Variants in CD163L1 observed in about 807,000 individuals in gnomAD.
The protein encoded by CD163L1 is CD163 molecule like 1.
A neutral mutation model predicts 165.4 loss-of-function variants in CD163L1; 124 were observed. That is an observed-to-expected ratio of 0.75 (90% CI 0.65 to 0.87). CD163L1 has a LOEUF of 0.87. Among genes scored for constraint, CD163L1 ranks in the 40% least tolerant of loss-of-function variants. The pLI, the probability that CD163L1 is intolerant of heterozygous loss-of-function variation, is 0.00. For missense variants in CD163L1, 1,525 were observed against 1,799.9 expected (o/e 0.85, Z 2.76); for synonymous variants, 585 against 662.2 (o/e 0.88, Z 1.79).
chr12:7,399,459 T>C, intron 6 of CD163L1, among the ~76,000 whole-genome samples: 2 of 150,116 alleles, frequency 1.3e-5, no homozygotes, highest in Non-Finnish European at 3.0e-5. Flanking sequence ...CTTCCTCCCT[T>C]TCCCTTCTTT....
chr12:7,328,000 G>C, the CD163L1 span, among the ~76,000 whole-genome samples: 1 of 152,118 alleles, frequency 6.6e-6, no homozygotes, highest in Non-Finnish European at 1.5e-5. Flanking sequence ...AACAGTAGAA[G>C]CCTAGGACTA....
chr12:7,358,870 T>G (rs1946832302), intron 18 of CD163L1, among the ~76,000 whole-genome samples: 1 of 151,940 alleles, frequency 6.6e-6, no homozygotes, highest in Non-Finnish European at 1.5e-5. Context: ...CAAGAACATA[T>G]GAGCAATGTA....
rs1393466403 is a variant in CD163L1, at chr12:7,367,264, T to C, written c.4251A>G (p.Arg1417=). Residue 1417 remains arginine (R), a synonymous_variant, in exon 18 of 20, where the codon AGA becomes AGG. Transcript: ENST00000313599. ...AGGTTCTTGTCCCATGTGGGTCCTC[T>C]CTCTTGAGGCAGGTCTCCATCTCAT... ...LFHEMETCLK[R]EDPHGTRTSD... 3.7e-6 allele frequency: 6 copies of C among 1,613,430 alleles called. No individual in the cohort carries two copies. In the South Asian group the frequency reaches 6.6e-5, roughly 18 times the overall value.
chr12:7,344,177 G>A (rs114093157), downstream of CD163L1, among the ~76,000 whole-genome samples: 1,129 of 151,822 alleles, frequency 7.4e-3, 13 homozygotes, highest in African/African-American at 0.026. Flanking sequence ...ACCTCCTGGA[G>A]TCAAGTGATC....
intron 9 of CD163L1, 134 bp from the exon 10 acceptor site, chr12:7,376,148 G>T: frequency 1.4e-6 from 1 of 717,080 alleles, no homozygotes; most frequent in Non-Finnish European, 2.3e-6. Flanking sequence ...GGGCTCAGAG[G>T]ACAAGATTAG....
chr12:7,401,404 A>C (rs926015662), intron 6 of CD163L1, among the ~76,000 whole-genome samples: 1 of 152,104 alleles, frequency 6.6e-6, no homozygotes, highest in South Asian at 2.1e-4. Context: ...GAAGAAAAAA[A>C]CACAATTTAT....
chr12:7,427,117 C>G (rs1281375248), intron 4 of CD163L1, among the ~76,000 whole-genome samples: 2 of 151,986 alleles, frequency 1.3e-5, no homozygotes, highest in East Asian at 3.9e-4. Context: ...TTTTAATACT[C>G]CACTTTCAAA....
Position 7,357,452 on chromosome 12 carries a change from G to A in CD163L1, c.4314C>T (p.Ser1438=), listed in dbSNP as rs757149052. The part of the protein sequence containing the change: ...DTPNHGCEDA[S]DTSLLGVLPA... ...GAAGAACTCCCAACAGCGATGTGTCGCTAGCATCTTCACAACCATGGTTGG... is the reference window on the plus strand; with the variant it reads ...GAAGAACTCCCAACAGCGATGTGTCACTAGCATCTTCACAACCATGGTTGG... Residue 1438 remains serine, a synonymous_variant, in exon 19 of 20, where the codon AGC becomes AGT. Coordinates refer to ENST00000313599, the MANE Select transcript of CD163L1 (RefSeq NM_174941.6). 6.8e-6 allele frequency: 11 copies of A among 1,612,682 alleles called. No individual in the cohort carries two copies. The highest frequency in any genetic ancestry group is 4.5e-5 in the East Asian group (2 of 44,836).
chr12:7,376,069 G>A, intron 9 of CD163L1, 55 bp from the exon 10 acceptor site: 1 of 1,470,732 alleles, frequency 6.8e-7, no homozygotes, highest in Non-Finnish European at 9.2e-7. Flanking sequence ...ATCTATCCCT[G>A]TCTCCAGTCT....
intron 8 of CD163L1, among the ~76,000 whole-genome samples, chr12:7,385,076 A>G (rs985371636): frequency 2.6e-5 from 4 of 152,058 alleles, no homozygotes; most frequent in African/African-American, 9.7e-5. Flanking sequence ...TAAAAAAAAC[A>G]ATGACCCAAA....
At chr12:7,439,063 C>T (rs980396819) in intron 2 of CD163L1, 9 of 1,585,592 alleles carry the variant, frequency 5.7e-6, no homozygotes, top group African/African-American at 2.8e-5. Flanking sequence ...CTAGGGGCTT[C>T]TCAAAGCCAT....
At chr12:7,441,665 A>G (rs1036854414) in intron 1 of CD163L1, among the ~76,000 whole-genome samples, 1 of 152,102 alleles carries the variant, frequency 6.6e-6, no homozygotes, top group Non-Finnish European at 1.5e-5. Flanking sequence ...ATTGAGTATG[A>G]CATATGTACC....
In CD163L1 at chr12:7,377,647, C is replaced by G. The variant is rs557653930; in HGVS notation, c.2371+1331G>C. ...AAATTTATTCATGACTTCTCTGTAGCTAAGCTTAGTGGAAATTGTTCAGTT... is the reference window on the plus strand; with the variant it reads ...AAATTTATTCATGACTTCTCTGTAGGTAAGCTTAGTGGAAATTGTTCAGTT... On this transcript the variant is annotated intron_variant, in intron 9 of 19. Coordinates refer to ENST00000313599, the MANE Select transcript of CD163L1 (RefSeq NM_174941.6). Among the ~76,000 whole-genome samples, 4 of 152,224 alleles carry G rather than the reference C, an allele frequency of 2.6e-5. No homozygotes were observed. In the South Asian group the frequency reaches 8.3e-4, roughly 32 times the overall value.
the CD163L1 span, among the ~76,000 whole-genome samples, chr12:7,319,713 T>G: frequency 6.6e-6 from 1 of 152,178 alleles, no homozygotes; most frequent in Non-Finnish European, 1.5e-5. Flanking sequence ...TCCTTTGGGT[T>G]GGGGATCCCT....
At chr12:7,378,019 TTTACTA>T (rs2136438581) in intron 9 of CD163L1, among the ~76,000 whole-genome samples, 3 of 152,298 alleles carry the variant, frequency 2.0e-5, no homozygotes, top group African/African-American at 7.2e-5. Context: ...TGATGACTGC[TTTACTA>T]TTACCTCATA....
chr12:7,434,131 CATA>C (rs950137764), intron 2 of CD163L1, among the ~76,000 whole-genome samples: 1 of 152,122 alleles, frequency 6.6e-6, no homozygotes, highest in East Asian at 1.9e-4. Context: ...GTAAGGTTGA[CATA>C]ATAATTTTCT....
Position 7,374,699 on chromosome 12 carries a change from A to C in CD163L1, c.3152T>G (p.Ile1051Ser), listed in dbSNP as rs1565779920. 1.2e-6 allele frequency: 2 copies of C among 1,614,122 alleles called. No homozygotes were observed. Among genetic ancestry groups the C allele is most frequent in the South Asian group, 1.1e-5 (1 of 91,074 alleles). ...GDSRCAGRVE[I>S]YHDGFWGTIC... Reference sequence around the variant, plus strand: ...GGTGCCCCAGAAGCCGTCGTGATAGATCTCTACTCTCCCGGCACAGCGGCT... The same window carrying C: ...GGTGCCCCAGAAGCCGTCGTGATAGCTCTCTACTCTCCCGGCACAGCGGCT... Residue 1051 changes from isoleucine to serine, a missense_variant, in exon 13 of 20, where the codon ATC becomes AGC. Physicochemically the swap from Ile to Ser is moderately radical, Grantham distance 142. Coordinates refer to ENST00000313599, the MANE Select transcript of CD163L1 (RefSeq NM_174941.6). This position sits in a 1 kb window ranked among gnomAD's most constrained non-coding sequence, Gnocchi z 5.4.
At chr12:7,334,580 C>G in the CD163L1 span, among the ~76,000 whole-genome samples, 45 of 152,258 alleles carry the variant, frequency 3.0e-4, no homozygotes, top group Middle Eastern at 3.4e-3. Flanking sequence ...AAAACTGGCA[C>G]AAGACAGGGA....
chr12:7,340,872 G>A, the CD163L1 span, among the ~76,000 whole-genome samples: 1 of 152,182 alleles, frequency 6.6e-6, no homozygotes, highest in African/African-American at 2.4e-5. Flanking sequence ...GTTGGTGTAT[G>A]AGACAGAAGC....
Sources: allele counts gnomAD v4.1 joint callset (sites outside exome capture counted in the v4.1 genomes callset), GRCh38; gene constraint gnomAD v4.1.1; non-coding constraint Gnocchi (gnomAD v3.1); transcripts MANE v1.5; gene names NCBI Gene and HGNC (gene_info 2026-07-23, HGNC 2026-07-21).